Variants in PDZRN4 observed in about 807,000 individuals in gnomAD.
PDZRN4 encodes PDZ domain containing ring finger 4.
A neutral mutation model predicts 99.0 loss-of-function variants in PDZRN4; 70 were observed. That is an observed-to-expected ratio of 0.71 (90% CI 0.58 to 0.86). The LOEUF (loss-of-function observed/expected upper bound fraction) is 0.86, where lower values mean the gene tolerates loss of function less well. Ranked by LOEUF, PDZRN4 falls within the 40% of genes least tolerant of loss-of-function variation. The pLI is 0.00. For synonymous variants in PDZRN4, 551 were observed against 501.6 expected (o/e 1.10, Z -1.32); for missense variants, 1,474 against 1,331.2 (o/e 1.11, Z -1.67).
At chr12:41,249,443 G>A (rs1012945334) in intron 3 of PDZRN4, among the ~76,000 whole-genome samples, 1 of 152,150 alleles carries the variant, frequency 6.6e-6, no homozygotes, top group Non-Finnish European at 1.5e-5. Context: ...ACACCATTTG[G>A]ATGCCAGACA....
chr12:41,494,715 G>A (rs141527119), intron 3 of PDZRN4, among the ~76,000 whole-genome samples: 18 of 152,202 alleles, frequency 1.2e-4, no homozygotes, highest in African/African-American at 4.1e-4. Flanking sequence ...AAGTTCAGGT[G>A]GTTTTACTTG....
intron 3 of PDZRN4, among the ~76,000 whole-genome samples, chr12:41,307,251 C>G (rs760810586): frequency 6.6e-6 from 1 of 152,012 alleles, no homozygotes; most frequent in Non-Finnish European, 1.5e-5. Context: ...TTCTGCATGC[C>G]GGGAAGTCTG....
intron 3 of PDZRN4, among the ~76,000 whole-genome samples, chr12:41,425,213 C>A (rs181393766): frequency 6.6e-6 from 1 of 151,832 alleles, no homozygotes; most frequent in Admixed American, 6.6e-5. Flanking sequence ...TGTTGGTACA[C>A]GAACACACAC....
chr12:41,406,089 T>TAA (rs143300113), intron 3 of PDZRN4, among the ~76,000 whole-genome samples: 4 of 151,652 alleles, frequency 2.6e-5, no homozygotes, highest in African/African-American at 9.7e-5. Flanking sequence ...TATTTAAAAC[T>TAA]AAAAAAAACC....
intron 3 of PDZRN4, among the ~76,000 whole-genome samples, chr12:41,493,573 C>A (rs1368167459): frequency 6.6e-6 from 1 of 152,066 alleles, no homozygotes; most frequent in Non-Finnish European, 1.5e-5. Context: ...AAGTGCCGCC[C>A]CAAATATTAT....
At chr12:41,289,864 G>T (rs7485762) in intron 3 of PDZRN4, among the ~76,000 whole-genome samples, 4 of 152,180 alleles carry the variant, frequency 2.6e-5, no homozygotes, top group Non-Finnish European at 5.9e-5. Context: ...AAAGTTCTTT[G>T]CCATTAACTT....
intron 5 of PDZRN4, among the ~76,000 whole-genome samples, chr12:41,540,595 T>C (rs1260842404): frequency 6.6e-6 from 1 of 152,232 alleles, no homozygotes; most frequent in Non-Finnish European, 1.5e-5. Flanking sequence ...CTCATCAGCA[T>C]ATAGGTCCAT....
intron 3 of PDZRN4, among the ~76,000 whole-genome samples, chr12:41,239,725 C>T (rs1484074895): frequency 6.6e-6 from 1 of 152,112 alleles, no homozygotes; most frequent in African/African-American, 2.4e-5. Context: ...TCAAATTGTC[C>T]TTTCTTAAAC....
At chr12:41,517,036 G>A (rs981419094) in intron 5 of PDZRN4, among the ~76,000 whole-genome samples, 4 of 152,030 alleles carry the variant, frequency 2.6e-5, no homozygotes, top group African/African-American at 9.7e-5. Flanking sequence ...AGTTACCACA[G>A]TATTATAATT....
intron 3 of PDZRN4, among the ~76,000 whole-genome samples, chr12:41,202,519 G>A (rs1950823861): frequency 1.3e-5 from 2 of 152,030 alleles, no homozygotes; most frequent in Non-Finnish European, 2.9e-5. Flanking sequence ...ATCCTCTTAA[G>A]CCTATGAATT....
At chr12:41,297,703 T>A (rs1423655868) in intron 3 of PDZRN4, among the ~76,000 whole-genome samples, 1 of 152,166 alleles carries the variant, frequency 6.6e-6, no homozygotes, top group African/African-American at 2.4e-5. Context: ...TCCTTCCTCT[T>A]CCTTCTCCAG....
chr12:41,203,933 C>T (rs573453923), intron 3 of PDZRN4, among the ~76,000 whole-genome samples: 3 of 152,056 alleles, frequency 2.0e-5, no homozygotes, highest in South Asian at 4.1e-4. Flanking sequence ...AAGATTAAAT[C>T]CCAAAGTAAA....
At chr12:41,319,048 A>G (rs549035911) in intron 3 of PDZRN4, among the ~76,000 whole-genome samples, 1 of 152,196 alleles carries the variant, frequency 6.6e-6, no homozygotes, top group Non-Finnish European at 1.5e-5. Context: ...GAACATCTGT[A>G]ACCTAAAACA....
chr12:41,247,948 A>G (rs80236956), intron 3 of PDZRN4, among the ~76,000 whole-genome samples: 4,960 of 135,638 alleles, frequency 0.037, 143 homozygotes, highest in East Asian at 0.14. Context: ...GCATTAATCC[A>G]TGTGCTGAAG....
chr12:41,350,454 AC>A (rs1164838258), intron 3 of PDZRN4, among the ~76,000 whole-genome samples: 1 of 152,136 alleles, frequency 6.6e-6, no homozygotes, highest in Non-Finnish European at 1.5e-5. Context: ...AAGGTATCAA[AC>A]AAAAAAGATG....
intron 3 of PDZRN4, among the ~76,000 whole-genome samples, chr12:41,425,016 G>A (rs145958222): frequency 1.2e-3 from 189 of 152,142 alleles, no homozygotes; most frequent in African/African-American, 4.4e-3. Flanking sequence ...CAAAGACTCT[G>A]ACACAATTAG....
chr12:41,434,591 T>C (rs1314660855), intron 3 of PDZRN4, among the ~76,000 whole-genome samples: 1 of 152,222 alleles, frequency 6.6e-6, no homozygotes, highest in Non-Finnish European at 1.5e-5. Flanking sequence ...TTGGATTCCT[T>C]CCTTTCACTT....
chr12:41,259,007 T>C (rs1316690465), intron 3 of PDZRN4, among the ~76,000 whole-genome samples: 1 of 152,022 alleles, frequency 6.6e-6, no homozygotes, highest in African/African-American at 2.4e-5. Flanking sequence ...TCCTTTATCA[T>C]AGGTTGAAGC....
intron 3 of PDZRN4, among the ~76,000 whole-genome samples, chr12:41,343,792 C>A (rs915303378): frequency 6.6e-6 from 1 of 151,656 alleles, no homozygotes; most frequent in Non-Finnish European, 1.5e-5. Flanking sequence ...ATGTTAAGTA[C>A]CCTGATTTGA....
Sources: allele counts gnomAD v4.1 joint callset (sites outside exome capture counted in the v4.1 genomes callset), GRCh38; gene constraint gnomAD v4.1.1; transcripts MANE v1.5; gene names NCBI Gene and HGNC (gene_info 2026-07-23, HGNC 2026-07-21).